IGBP1: variants seen among roughly 807,000 people sequenced by gnomAD.
IGBP1 encodes the protein immunoglobulin-binding protein 1.
In IGBP1, 2 loss-of-function variants were observed where a neutral mutation model predicts 25.9. That is an observed-to-expected ratio of 0.08 (90% CI 0.03 to 0.24). IGBP1 has a LOEUF of 0.24. Among genes scored for constraint, IGBP1 ranks in the 10% least tolerant of loss-of-function variants. The probability of loss-of-function intolerance (pLI) is 1.00; values close to 1 mark genes in which losing one functional copy is unlikely to be tolerated. For synonymous variants in IGBP1, 96 were observed against 93.4 expected (o/e 1.03, Z -0.16); for missense variants, 187 against 260.4 (o/e 0.72, Z 1.94).
Position 70,146,814 on chromosome X carries a change from G to T in IGBP1, c.664G>T (p.Asp222Tyr). The T allele has an allele frequency of 8.4e-7, 1 of 1,195,694 alleles. No individual in the cohort carries two copies. Among genetic ancestry groups the T allele is most frequent in the Non-Finnish European group, 1.1e-6 (1 of 881,373 alleles). The stretch of plus-strand genomic sequence containing the variant: ...GGAAATAAAGATCCTGAGAGAAAGA[G>T]ACTCTTCAAGAGAGGTAAGCCTGGC... Reference protein sequence around the residue: ...DQEIKILRERDSSREASTSNS... With the variant: ...DQEIKILRERYSSREASTSNS... The change falls in exon 4 of 7, where the codon GAC becomes TAC. Residue 222 changes from aspartate (D) to tyrosine (Y), a missense_variant. Physicochemically the swap from Asp to Tyr is radical, Grantham distance 160 (BLOSUM62 -3). Coordinates refer to ENST00000356413, the MANE Select transcript of IGBP1 (RefSeq NM_001551.3).
At position 70,143,132 on chromosome X, in the gene IGBP1, C is replaced by T. The variant is rs1470488438; in HGVS notation, c.483-3501C>T. ...AGAGGTGGGGTTTCACCGTGTTAGC[C>T]AGGATGGTCTCGATCTCCTGACCTT... On this transcript the variant is annotated intron_variant, in intron 3 of 6. Coordinates refer to ENST00000356413, the MANE Select transcript of IGBP1 (RefSeq NM_001551.3). 4.5e-5 allele frequency among the ~76,000 whole-genome samples: 5 copies of T among 110,650 alleles called. No homozygotes were observed. The East Asian group carries it at 1.4e-3, about 32-fold the overall frequency.
chrX:70,139,520 T>C (rs1169949076), intron 3 of IGBP1, among the ~76,000 whole-genome samples: 1 of 110,955 alleles, frequency 9.0e-6, no homozygotes, highest in Non-Finnish European at 1.9e-5. Context: ...GACCCATACT[T>C]GCAACACCCT....
rs1285158046 is a variant in IGBP1, at chrX:70,133,760, G to C, written c.-188G>C. On this transcript the variant is annotated 5_prime_UTR_variant, in exon 2 of 7. Coordinates refer to ENST00000356413, the MANE Select transcript of IGBP1 (RefSeq NM_001551.3). ...TGTAACGGGCTGCCTGGTAAAATGAGTCTATGGAAACGGTTGCCAGGGCCG... is the reference window on the plus strand; with the variant it reads ...TGTAACGGGCTGCCTGGTAAAATGACTCTATGGAAACGGTTGCCAGGGCCG... 1 of 452,516 alleles carries C rather than the reference G, an allele frequency of 2.2e-6. No individual in the cohort carries two copies. Among genetic ancestry groups the C allele is most frequent in the African/African-American group, 2.4e-5 (1 of 40,885 alleles). 37.3% of individuals were successfully genotyped at this position (452,516 alleles called of 1,213,427 possible).
intron 6 of IGBP1, among the ~76,000 whole-genome samples, chrX:70,151,875 C>T (rs2085205512): frequency 9.0e-6 from 1 of 111,041 alleles, no homozygotes; most frequent in South Asian, 3.8e-4. Context: ...GAGACCCTGT[C>T]TCAAATAAAT....
intron 6 of IGBP1, among the ~76,000 whole-genome samples, chrX:70,155,212 G>A (rs193076879): frequency 0.011 from 1,217 of 112,195 alleles, 14 homozygotes; most frequent in African/African-American, 0.038. Context: ...ATAAAAAGAA[G>A]AAAAGATATA....
intron 3 of IGBP1, 83 bp from the exon 4 acceptor site, chrX:70,146,550 A>G: frequency 1.2e-6 from 1 of 802,491 alleles, no homozygotes; most frequent in Non-Finnish European, 1.9e-6. Context: ...ATCATTTGCA[A>G]AGGTAAAATC....
chrX:70,136,137 T>TGGGTTTGAGATCCAGCTTTACTTAC (rs2085093478), intron 3 of IGBP1, among the ~76,000 whole-genome samples: 1 of 110,198 alleles, frequency 9.1e-6, no homozygotes, highest in Non-Finnish European at 1.9e-5. Context: ...GCTTTACTTA[T>TGGGTTTGAGATCCAGCTTTACTTAC]AATCTGTTGG....
intron 3 of IGBP1, among the ~76,000 whole-genome samples, chrX:70,139,416 C>T (rs1020305506): frequency 8.1e-5 from 9 of 111,564 alleles, no homozygotes; most frequent in African/African-American, 2.6e-4. Context: ...CCGCTTTGAA[C>T]GTTTTTCTTA....
At chrX:70,136,606 C>A (rs2085096017) in intron 3 of IGBP1, among the ~76,000 whole-genome samples, 1 of 110,981 alleles carries the variant, frequency 9.0e-6, no homozygotes, top group African/African-American at 3.3e-5. Flanking sequence ...GGTGAGTATT[C>A]TGTAAATGTC....
In IGBP1 at chrX:70,154,714, C is replaced by CAAAAAAA. The variant is rs762954223; in HGVS notation, c.871+4408_871+4414dup. Among the ~76,000 whole-genome samples the CAAAAAAA allele has an allele frequency of 6.5e-3, 175 of 27,094 alleles. 12 individuals are homozygous for CAAAAAAA. The highest frequency in any genetic ancestry group is 0.029 in the African/African-American group (155 of 5,377). The allele number at this position is 27,094 out of a possible 115,157, so 23.5% of individuals were successfully genotyped here. Reference sequence around the variant, plus strand: ...AGCAACATGGTAAGACCCCTCTCCACAAAAAAAAAAAAAAAAAAAAAAGTT... The same window carrying CAAAAAAA: ...AGCAACATGGTAAGACCCCTCTCCACAAAAAAAAAAAAAAAAAAAAAAAAAAAAAGTT... On this transcript the variant is annotated intron_variant, in intron 6 of 6. Coordinates refer to ENST00000356413, the MANE Select transcript of IGBP1 (RefSeq NM_001551.3).
chrX:70,162,128 A>G (rs1221914749), intron 6 of IGBP1, among the ~76,000 whole-genome samples: 1 of 111,852 alleles, frequency 8.9e-6, no homozygotes, highest in African/African-American at 3.3e-5. Flanking sequence ...AGAGACTGCA[A>G]TGTGGAAGGA....
chrX:70,163,827 C>T (rs1267245848), intron 6 of IGBP1: 1 of 112,172 alleles, frequency 8.9e-6, no homozygotes, highest in African/African-American at 3.2e-5. Context: ...GAAACAAACT[C>T]TACAGGTCAT....
chrX:70,137,261 G>A (rs1433386264), intron 3 of IGBP1, among the ~76,000 whole-genome samples: 1 of 110,884 alleles, frequency 9.0e-6, no homozygotes, highest in Non-Finnish European at 1.9e-5. Flanking sequence ...TCTGATTTAG[G>A]TGGATGGCTG....
chrX:70,148,386 A>G (rs1177677205), intron 4 of IGBP1, among the ~76,000 whole-genome samples: 9 of 112,178 alleles, frequency 8.0e-5, no homozygotes, highest in Admixed American at 2.8e-4. Context: ...TAGTGATTCA[A>G]CTTTTTAACT....
chrX:70,135,161 T>A (rs2085087617), intron 3 of IGBP1, among the ~76,000 whole-genome samples: 2 of 112,339 alleles, frequency 1.8e-5, no homozygotes, highest in African/African-American at 6.5e-5. Context: ...CATTTTATGG[T>A]CCACTGATTG....
chrX:70,138,235 C>G (rs773015467), intron 3 of IGBP1, among the ~76,000 whole-genome samples: 1 of 111,501 alleles, frequency 9.0e-6, no homozygotes, highest in East Asian at 2.8e-4. Context: ...AATCCCAACT[C>G]TTTGGGAGGC....
intron 3 of IGBP1, among the ~76,000 whole-genome samples, chrX:70,143,806 G>A (rs1293333725): frequency 8.9e-6 from 1 of 112,303 alleles, no homozygotes; most frequent in Non-Finnish European, 1.9e-5. Context: ...TGGGAGTTCC[G>A]TGGCATCTCT....
chrX:70,150,395 A>G, intron 6 of IGBP1, 73 bp downstream of exon 6: 3 of 636,842 alleles, frequency 4.7e-6, no homozygotes, highest in Non-Finnish European at 7.9e-6. Context: ...CTTACCAAGT[A>G]TAGTTGCCCT....
chrX:70,136,783 C>T (rs965939885), intron 3 of IGBP1, among the ~76,000 whole-genome samples: 1 of 108,774 alleles, frequency 9.2e-6, no homozygotes, highest in Non-Finnish European at 1.9e-5. Context: ...GATCTTGGCT[C>T]GCTGCAACCT....
Sources: allele counts gnomAD v4.1 joint callset (sites outside exome capture counted in the v4.1 genomes callset), GRCh38; gene constraint gnomAD v4.1.1; transcripts MANE v1.5; gene names NCBI Gene and HGNC (gene_info 2026-07-23, HGNC 2026-07-21).